The following BMAL2 variants were observed in gnomAD, a reference collection of about 807,000 sequenced individuals.
The protein encoded by BMAL2 is basic helix-loop-helix ARNT-like protein 2.
the BMAL2 span, among the ~76,000 whole-genome samples, chr12:27,363,251 C>T: frequency 6.6e-6 from 1 of 152,146 alleles, no homozygotes; most frequent in Non-Finnish European, 1.5e-5. Flanking sequence ...CTCAGGTTTT[C>T]ATTGTTGTTG....
At chr12:27,379,728 G>A in the BMAL2 span, among the ~76,000 whole-genome samples, 5 of 152,092 alleles carry the variant, frequency 3.3e-5, no homozygotes, top group Admixed American at 6.5e-5. Context: ...AGATTGAGTG[G>A]AAATTGCACT....
the BMAL2 span, among the ~76,000 whole-genome samples, chr12:27,404,857 G>A: frequency 5.9e-5 from 9 of 152,316 alleles, no homozygotes; most frequent in South Asian, 1.7e-3. Context: ...CCTAGTCAAA[G>A]GGGTGACAGA....
the BMAL2 span, among the ~76,000 whole-genome samples, chr12:27,398,319 C>A: frequency 6.6e-6 from 1 of 152,160 alleles, no homozygotes; most frequent in Non-Finnish European, 1.5e-5. Context: ...TTCTCCCTCT[C>A]CTCACCCCCA....
the BMAL2 span, chr12:27,385,663 C>G: frequency 1.3e-5 from 9 of 683,146 alleles, no homozygotes; most frequent in Non-Finnish European, 2.0e-5. Context: ...ACATATGGGA[C>G]TCCATATTAC....
the BMAL2 span, chr12:27,420,783 T>G: frequency 5.9e-6 from 2 of 340,224 alleles, no homozygotes; most frequent in Non-Finnish European, 1.0e-5. Context: ...GCCATATTTT[T>G]GCTAAAATAT....
the BMAL2 span, among the ~76,000 whole-genome samples, chr12:27,398,834 A>T: frequency 6.6e-6 from 1 of 152,216 alleles, no homozygotes; most frequent in East Asian, 1.9e-4. Context: ...ATCATTCATA[A>T]GTTTGCAAAA....
chr12:27,344,509 G>T, the BMAL2 span, among the ~76,000 whole-genome samples: 1 of 152,210 alleles, frequency 6.6e-6, no homozygotes, highest in Non-Finnish European at 1.5e-5. Context: ...CACAGAGCAG[G>T]TTGTCAGTAA....
chr12:27,347,546 A>G, the BMAL2 span, among the ~76,000 whole-genome samples: 1 of 152,212 alleles, frequency 6.6e-6, no homozygotes, highest in Non-Finnish European at 1.5e-5. Context: ...TCTGCAGGAC[A>G]TTGTAGGACC....
chr12:27,338,601 A>C, the BMAL2 span, among the ~76,000 whole-genome samples: 1 of 152,194 alleles, frequency 6.6e-6, no homozygotes, highest in Non-Finnish European at 1.5e-5. Flanking sequence ...ACTGAAAAGG[A>C]AAGAACTGGC....
At chr12:27,364,743 C>A in the BMAL2 span, among the ~76,000 whole-genome samples, 2 of 152,100 alleles carry the variant, frequency 1.3e-5, no homozygotes, top group African/African-American at 2.4e-5. Context: ...TAATTTACAT[C>A]TTTAGTATAT....
the BMAL2 span, among the ~76,000 whole-genome samples, chr12:27,406,708 T>C: frequency 5.9e-5 from 9 of 152,128 alleles, no homozygotes; most frequent in African/African-American, 1.7e-4. Flanking sequence ...AACCAGCTAA[T>C]ATCATAATGA....
chr12:27,370,163 C>T, the BMAL2 span: 1 of 1,614,084 alleles, frequency 6.2e-7, no homozygotes, highest in East Asian at 2.2e-5. Flanking sequence ...GGTGGAAAAG[C>T]TTTCTCAGAA....
chr12:27,385,326 T>C, the BMAL2 span, among the ~76,000 whole-genome samples: 1 of 151,534 alleles, frequency 6.6e-6, no homozygotes, highest in African/African-American at 2.4e-5. Context: ...AAATAAATAA[T>C]TAAATTAAAT....
the BMAL2 span, among the ~76,000 whole-genome samples, chr12:27,392,744 T>C: frequency 6.6e-6 from 1 of 152,172 alleles, no homozygotes; most frequent in Non-Finnish European, 1.5e-5. Flanking sequence ...TTGATGCAAG[T>C]TATAAATTGA....
the BMAL2 span, chr12:27,424,417 G>T: frequency 1.3e-5 from 2 of 152,174 alleles, no homozygotes; most frequent in Admixed American, 1.3e-4. Flanking sequence ...GAGTTATATG[G>T]TCATCACTAA....
At chr12:27,387,745 T>C in the BMAL2 span, among the ~76,000 whole-genome samples, 2 of 152,216 alleles carry the variant, frequency 1.3e-5, no homozygotes, top group African/African-American at 4.8e-5. Context: ...CAACACTCTC[T>C]GAAATACATC....
the BMAL2 span, among the ~76,000 whole-genome samples, chr12:27,370,755 G>A: frequency 4.6e-5 from 7 of 152,056 alleles, no homozygotes; most frequent in Non-Finnish European, 4.4e-5. Context: ...ACAGGCACCC[G>A]CCGACACACC....
At chr12:27,391,596 T>G in the BMAL2 span, among the ~76,000 whole-genome samples, 1 of 152,222 alleles carries the variant, frequency 6.6e-6, no homozygotes, top group East Asian at 1.9e-4. Flanking sequence ...CTATTTTAAG[T>G]TCTTTGAGAA....
the BMAL2 span, chr12:27,423,324 CTTTTTTTTTTTTTT>C: frequency 1.2e-5 from 1 of 85,930 alleles, no homozygotes; most frequent in Non-Finnish European, 2.2e-5. Flanking sequence ...CTTTTCTTTT[CTTTTTTTTTTTTTT>C]TTTTTTTTTG....
Sources: allele counts gnomAD v4.1 joint callset (sites outside exome capture counted in the v4.1 genomes callset), GRCh38; gene constraint gnomAD v4.1.1; transcripts MANE v1.5; gene names NCBI Gene and HGNC (gene_info 2026-07-23, HGNC 2026-07-21).